The following TENM4 variants were observed in gnomAD, a reference collection of about 807,000 sequenced individuals.
TENM4 encodes the protein teneurin transmembrane protein 4.
TENM4 carries 82 observed loss-of-function variants against 243.3 expected under a neutral mutation model. The observed-to-expected ratio is 0.34, with a 90% CI of 0.28 to 0.40. TENM4 has a LOEUF of 0.40. TENM4 is among the 10% of genes least tolerant of loss of function. TENM4 has a pLI of 1.00. For missense variants in TENM4, 3,138 were observed against 3,673.3 expected (o/e 0.85, Z 3.77); for synonymous variants, 1,412 against 1,456.3 (o/e 0.97, Z 0.69).
chr11:79,415,359 T>G (rs563354219), intron 1 of TENM4, among the ~76,000 whole-genome samples: 1 of 152,332 alleles, frequency 6.6e-6, no homozygotes, highest in South Asian at 2.1e-4. Flanking sequence ...GAATTTTCAT[T>G]CGTTTACAGG....
chr11:78,999,095 A>T (rs950879965), intron 6 of TENM4, among the ~76,000 whole-genome samples: 1 of 152,236 alleles, frequency 6.6e-6, no homozygotes, highest in African/African-American at 2.4e-5. Context: ...CCATTGGTTG[A>T]TCACTAAGCT....
chr11:79,011,351 A>G (rs1858635831), intron 6 of TENM4, among the ~76,000 whole-genome samples: 1 of 152,168 alleles, frequency 6.6e-6, no homozygotes. Flanking sequence ...CCTTTCAGGT[A>G]TCTGCATTTT....
At chr11:78,796,746 A>G (rs1266863604) in intron 15 of TENM4, among the ~76,000 whole-genome samples, 1 of 152,188 alleles carries the variant, frequency 6.6e-6, no homozygotes, top group East Asian at 1.9e-4. Flanking sequence ...AAATATCCTA[A>G]AAGCTAAGCC....
intron 6 of TENM4, among the ~76,000 whole-genome samples, chr11:79,002,265 T>C (rs1191142623): frequency 6.6e-6 from 1 of 152,234 alleles, no homozygotes. Context: ...CACACAGGAA[T>C]GTTGGGGTTC....
intron 6 of TENM4, among the ~76,000 whole-genome samples, chr11:78,966,896 A>C (rs1026193969): frequency 1.3e-5 from 2 of 152,026 alleles, no homozygotes; most frequent in African/African-American, 4.8e-5. Context: ...TCTTTTGCCA[A>C]GTTTGCAGAG....
chr11:79,036,502 G>A (rs1163141596), intron 6 of TENM4, among the ~76,000 whole-genome samples: 1 of 152,210 alleles, frequency 6.6e-6, no homozygotes, highest in African/African-American at 2.4e-5. Flanking sequence ...ATCATGACCA[G>A]TGTACCACAC....
intron 4 of TENM4, among the ~76,000 whole-genome samples, chr11:79,112,729 T>C (rs12292238): frequency 0.17 from 25,234 of 152,110 alleles, 2,220 homozygotes; most frequent in Middle Eastern, 0.22. Flanking sequence ...TAGGGGATTG[T>C]TCCCATCTAG....
At chr11:79,041,804 C>T (rs1859540016) in intron 6 of TENM4, among the ~76,000 whole-genome samples, 1 of 152,228 alleles carries the variant, frequency 6.6e-6, no homozygotes, top group African/African-American at 2.4e-5. Context: ...AGGGACCCAA[C>T]AGTTTTGAAT....
intron 6 of TENM4, among the ~76,000 whole-genome samples, chr11:79,027,096 G>T (rs1354308844): frequency 6.6e-6 from 1 of 152,134 alleles, no homozygotes; most frequent in Non-Finnish European, 1.5e-5. Flanking sequence ...AAGTAAATGT[G>T]GGTTGAACAA....
intron 9 of TENM4, among the ~76,000 whole-genome samples, chr11:78,866,645 G>A (rs1858985360): frequency 2.0e-5 from 3 of 152,122 alleles, no homozygotes; most frequent in Non-Finnish European, 4.4e-5. Flanking sequence ...CCTCTCCACT[G>A]TACCCCCCTG....
At chr11:78,797,220 C>T (rs745878772) in intron 15 of TENM4, among the ~76,000 whole-genome samples, 3 of 152,170 alleles carry the variant, frequency 2.0e-5, no homozygotes, top group Non-Finnish European at 4.4e-5. Context: ...TCTCTGGACC[C>T]TGGTTTCCTG....
chr11:78,893,047 C>G (rs10751300), intron 7 of TENM4, among the ~76,000 whole-genome samples: 97,089 of 152,166 alleles, frequency 0.64, 32,490 homozygotes, highest in East Asian at 0.79. Context: ...TTTGCAGGTA[C>G]AGTGCTGAGT....
At chr11:79,413,040 A>G (rs1567540) in intron 1 of TENM4, among the ~76,000 whole-genome samples, 26,142 of 152,266 alleles carry the variant, frequency 0.17, 2,396 homozygotes, top group Middle Eastern at 0.2. Flanking sequence ...TGTCCTAATG[A>G]TGTGGTAATA....
intron 25 of TENM4, among the ~76,000 whole-genome samples, chr11:78,715,481 G>C (rs1372970899): frequency 1.3e-5 from 2 of 152,194 alleles, no homozygotes; most frequent in Non-Finnish European, 2.9e-5. Flanking sequence ...CTCCAGAGAA[G>C]TGTCACTCAT....
Position 79,438,243 on chromosome 11 carries a change from C to T in TENM4, c.-321+2266G>A, listed in dbSNP as rs138880183. Among the ~76,000 whole-genome samples the T allele has an allele frequency of 1.4e-3, 215 of 152,308 alleles. No homozygotes were observed. Among genetic ancestry groups the T allele is most frequent in the African/African-American group, 4.9e-3 (205 of 41,576 alleles). On this transcript the variant is annotated intron_variant, in intron 1 of 33. Transcript: ENST00000278550. This position sits in a 1 kb window ranked among gnomAD's most constrained non-coding sequence, Gnocchi z 4.1. ...GTCAGGGCTGGGGTGGCTTATCCCC[C>T]TACAGACGAAAATCAAGATTTAAAA... is the stretch of plus-strand genomic sequence containing the variant.
At position 78,770,119 on chromosome 11, in the gene TENM4, T is replaced by C. The variant is rs933628132; in HGVS notation, c.2539+873A>G. 3.9e-5 allele frequency among the ~76,000 whole-genome samples: 6 copies of C among 152,272 alleles called. No individual in the cohort carries two copies. The East Asian group carries it at 5.8e-4, about 15-fold the overall frequency. ...AAAGGGTTAACTGTTTTGATGTTTTTTCATATCTTTATCTTTTTATTCTCC... is the reference window on the plus strand; with the variant it reads ...AAAGGGTTAACTGTTTTGATGTTTTCTCATATCTTTATCTTTTTATTCTCC... On this transcript the variant is annotated intron_variant, in intron 18 of 33. Transcript: ENST00000278550.
intron 1 of TENM4, among the ~76,000 whole-genome samples, chr11:79,375,946 A>T (rs1282581168): frequency 6.6e-6 from 1 of 152,190 alleles, no homozygotes; most frequent in Non-Finnish European, 1.5e-5. Flanking sequence ...TTTCTATCCT[A>T]AGGGCATTGA....
chr11:79,160,871 G>T lies in TENM4; in HGVS notation c.-162-12065C>A, dbSNP rs115785571. 8.7e-3 allele frequency among the ~76,000 whole-genome samples: 1,326 copies of T among 152,222 alleles called. 15 individuals carry two copies. The highest frequency in any genetic ancestry group is 0.03 in the African/African-American group (1,244 of 41,544). On this transcript the variant is annotated intron_variant, in intron 3 of 33. Coordinates refer to ENST00000278550, the MANE Select transcript of TENM4 (RefSeq NM_001098816.3). The stretch of plus-strand genomic sequence containing the variant: ...CTCTCAGCCAAAGACTAGATTTCCC[G>T]GATTCCCTTGCAGTGAGGCATGACT...
In TENM4 at chr11:78,720,784, A is replaced by G. The variant is rs144043835; in HGVS notation, c.3801-394T>C. Among the ~76,000 whole-genome samples the G allele has an allele frequency of 2.7e-3, 413 of 152,264 alleles. 3 individuals are homozygous for G. Among genetic ancestry groups the G allele is most frequent in the African/African-American group, 9.6e-3 (400 of 41,536 alleles). ...TGTCTCCACATGCACACTTCCCTAC[A>G]AAGAGTTACCCAAATTTGGGTCACT... On this transcript the variant is annotated intron_variant, in intron 24 of 33. Coordinates refer to ENST00000278550, the MANE Select transcript of TENM4 (RefSeq NM_001098816.3).
Sources: allele counts gnomAD v4.1 joint callset (sites outside exome capture counted in the v4.1 genomes callset), GRCh38; gene constraint gnomAD v4.1.1; non-coding constraint Gnocchi (gnomAD v3.1); transcripts MANE v1.5; gene names NCBI Gene and HGNC (gene_info 2026-07-23, HGNC 2026-07-21).